Variants in PTPN1 observed in about 807,000 individuals in gnomAD.
The protein encoded by PTPN1 is protein tyrosine phosphatase non-receptor type 1, also known as tyrosine-protein phosphatase non-receptor type 1.
In PTPN1, 12 loss-of-function variants were observed where a neutral mutation model predicts 59.9. The observed-to-expected ratio is 0.20, with a 90% CI of 0.13 to 0.32. PTPN1 has a LOEUF of 0.32. Ranked by LOEUF, PTPN1 falls within the 10% of genes least tolerant of loss-of-function variation. The pLI, the probability that PTPN1 is intolerant of heterozygous loss-of-function variation, is 1.00. For synonymous variants in PTPN1, 178 were observed against 203.6 expected (o/e 0.87, Z 1.07); for missense variants, 356 against 549.2 (o/e 0.65, Z 3.52).
chr20:50,565,047 A>G lies in PTPN1; in HGVS notation c.233A>G (p.Gln78Arg), dbSNP rs780939045. 69 of 1,613,212 alleles carry G rather than the reference A, an allele frequency of 4.3e-5. No individual in the cohort carries two copies. Among genetic ancestry groups the G allele is most frequent in the Non-Finnish European group, 5.3e-5 (62 of 1,179,828 alleles). The change falls in exon 3 of 10, where the codon CAA becomes CGA. Residue 78 changes from glutamine to arginine, a missense_variant. By Grantham distance (43) the Gln-to-Arg change is conservative. Coordinates refer to ENST00000371621, the MANE Select transcript of PTPN1 (RefSeq NM_002827.4). ...NASLIKMEEA[Q>R]RSYILTQGPL... ...AGTTTGATAAAAATGGAAGAAGCCC[A>G]AAGGAGTTACATTCTTACCCAGGTA...
intron 8 of PTPN1, among the ~76,000 whole-genome samples, chr20:50,580,296 C>T (rs2082860769): frequency 6.6e-6 from 1 of 152,162 alleles, no homozygotes; most frequent in Admixed American, 6.5e-5. Flanking sequence ...GCCCTCAGTC[C>T]CCACAGTGGT....
intron 1 of PTPN1, among the ~76,000 whole-genome samples, chr20:50,537,091 G>A (rs957422880): frequency 2.2e-4 from 33 of 152,288 alleles, no homozygotes; most frequent in African/African-American, 7.0e-4. Flanking sequence ...TTGGGAGGCC[G>A]AGGCAGGCAG....
Position 50,582,355 on chromosome 20 carries a change from C to T in PTPN1, c.1285-337C>T, listed in dbSNP as rs890357976. ...AGTGCCATTTCAGCAGAAATTCACA[C>T]GTTAGACGTGTGTTGCTGTTAAGTA... On this transcript the variant is annotated intron_variant, in intron 9 of 9. Transcript: ENST00000371621. The surrounding 1 kb of genome is among the most constrained non-coding windows in gnomAD (Gnocchi z 4.2). Among the ~76,000 whole-genome samples, 1 of 152,226 alleles carries T rather than the reference C, an allele frequency of 6.6e-6. No homozygotes were observed. The highest frequency in any genetic ancestry group is 1.5e-5 in the Non-Finnish European group (1 of 68,044).
intron 1 of PTPN1, among the ~76,000 whole-genome samples, chr20:50,539,818 G>T (rs559433171): frequency 6.6e-6 from 1 of 151,718 alleles, no homozygotes; most frequent in Admixed American, 6.5e-5. Flanking sequence ...CCATGTCTTG[G>T]TGTTGGCTGT....
intron 1 of PTPN1, among the ~76,000 whole-genome samples, chr20:50,552,025 C>G (rs2082703989): frequency 6.6e-6 from 1 of 152,106 alleles, no homozygotes; most frequent in Non-Finnish European, 1.5e-5. Flanking sequence ...TTTTTGCTTG[C>G]AGTGGAAGGC....
Position 50,581,341 on chromosome 20 carries a change from A to G in PTPN1, c.1165A>G (p.Lys389Glu). 6.2e-7 allele frequency: 1 copy of G among 1,614,092 alleles called. No individual in the cohort carries two copies. Among genetic ancestry groups the G allele is most frequent in the East Asian group, 2.2e-5 (1 of 44,886 alleles). ...AGGTGCCCAGGCTGCCTCCCCAGCC[A>G]AAGGGGAGCCGTCACTGCCCGAGAA... Reference protein sequence around the residue: ...LRGAQAASPAKGEPSLPEKDE... With the variant: ...LRGAQAASPAEGEPSLPEKDE... The change falls in exon 9 of 10, where the codon AAA (lysine) becomes GAA (glutamate). Residue 389 changes from lysine (K) to glutamate (E), a missense_variant. Lys to Glu is a moderately conservative substitution (Grantham distance 56, BLOSUM62 1). Around this residue, in one of 3 missense-constraint regions of PTPN1, gnomAD observed 62 missense variants for 97.2 expected, o/e 0.64. Coordinates refer to ENST00000371621, the MANE Select transcript of PTPN1 (RefSeq NM_002827.4).
At chr20:50,564,892 T>C in intron 2 of PTPN1, 77 bp from the exon 3 acceptor site, 2 of 1,579,730 alleles carry the variant, frequency 1.3e-6, no homozygotes, top group Non-Finnish European at 1.7e-6. Context: ...CACCTTTGCT[T>C]TTCTGTAGGG....
intron 1 of PTPN1, among the ~76,000 whole-genome samples, chr20:50,559,100 C>T (rs1367440411): frequency 2.1e-4 from 31 of 146,714 alleles, no homozygotes; most frequent in African/African-American, 7.6e-4. Flanking sequence ...GGCGCCAACT[C>T]GGCTCACTGC....
intron 1 of PTPN1, among the ~76,000 whole-genome samples, chr20:50,525,980 TAGAAGACCAAACTCTGC>T (rs893506096): frequency 2.6e-5 from 4 of 152,144 alleles, no homozygotes; most frequent in African/African-American, 9.7e-5. Context: ...GCATCCTGGA[TAGAAGACCAAACTCTGC>T]AGAAGACCCC....
In PTPN1 at chr20:50,510,429, G is replaced by T; in HGVS notation, c.-99G>T. ...GGGCGGCGGTAGCTGCAGGGGTCGG[G>T]GATTGCAGCGGGCCTCGGGGCTAAG... On this transcript the variant is annotated 5_prime_UTR_variant, in exon 1 of 10. Transcript: ENST00000371621. 1 of 1,337,498 alleles carries T rather than the reference G, an allele frequency of 7.5e-7. No homozygotes were observed. Among genetic ancestry groups the T allele is most frequent in the South Asian group, 1.3e-5 (1 of 76,764 alleles). The allele number at this position is 1,337,498 out of a possible 1,614,324, so 82.9% of individuals were successfully genotyped here.
At chr20:50,540,075 G>A (rs1009203568) in intron 1 of PTPN1, among the ~76,000 whole-genome samples, 2 of 151,486 alleles carry the variant, frequency 1.3e-5, no homozygotes, top group African/African-American at 4.9e-5. Context: ...TTTTTTTCGA[G>A]ACAGAGTTTC....
In PTPN1 at chr20:50,579,855, G is replaced by T. The variant is rs910605795; in HGVS notation, c.1017G>T (p.Gln339His). The T allele has an allele frequency of 2.5e-6, 4 of 1,614,116 alleles. No individual in the cohort carries two copies. The African/African-American group carries it at 5.3e-5, about 22-fold the overall frequency. Residue 339 changes from glutamine to histidine, a missense_variant, in exon 8 of 10, where the codon CAG becomes CAT. Around this residue, in one of 3 missense-constraint regions of PTPN1, gnomAD observed 100 missense variants for 107.7 expected, o/e 0.93. Coordinates refer to ENST00000371621, the MANE Select transcript of PTPN1 (RefSeq NM_002827.4). ...ACCAGTGGGTGAAGGAAGAGACCCA[G>T]GAGGATAAAGACTGCCCCATCAAGG... ...PNHQWVKEET[Q>H]EDKDCPIKEE...
At chr20:50,520,600 G>T (rs2082547000) in intron 1 of PTPN1, among the ~76,000 whole-genome samples, 1 of 152,156 alleles carries the variant, frequency 6.6e-6, no homozygotes, top group African/African-American at 2.4e-5. Context: ...CTGTGCCCTT[G>T]CTTGATAGAA....
In PTPN1 at chr20:50,568,503, G is replaced by T. The variant is rs1242180308; in HGVS notation, c.354+25G>T. Reference sequence around the variant, plus strand: ...GGTAAGTCTCGGCTTCATTTGCTGTGTATGTGATCATGCATACCACTCCAT... The same window carrying T: ...GGTAAGTCTCGGCTTCATTTGCTGTTTATGTGATCATGCATACCACTCCAT... On this transcript the variant is annotated intron_variant, in intron 4 of 9. Transcript: ENST00000371621. The surrounding 1 kb of genome is among the most constrained non-coding windows in gnomAD (Gnocchi z 5.6). The T allele has an allele frequency of 8.9e-6, 14 of 1,578,398 alleles. No homozygotes were observed. The highest frequency in any genetic ancestry group is 1.2e-5 in the Non-Finnish European group (14 of 1,147,596).
chr20:50,521,494 T>C (rs1158492175), intron 1 of PTPN1, among the ~76,000 whole-genome samples: 1 of 152,228 alleles, frequency 6.6e-6, no homozygotes. Flanking sequence ...GGATTCAGCT[T>C]CACAATAGCA....
Position 50,514,384 on chromosome 20 carries a change from G to A in PTPN1, c.63+3794G>A, listed in dbSNP as rs763666491. 2.6e-5 allele frequency among the ~76,000 whole-genome samples: 4 copies of A among 152,364 alleles called. No individual in the cohort carries two copies. In the South Asian group the frequency reaches 6.2e-4, roughly 24 times the overall value. On this transcript the variant is annotated intron_variant, in intron 1 of 9. Coordinates refer to ENST00000371621, the MANE Select transcript of PTPN1 (RefSeq NM_002827.4). ...AGTGGAAATGAATAAGAAATTTCCT[G>A]TGGAGGTTTTTTGACTTAGCTACTG...
chr20:50,567,029 C>T (rs1042382724), intron 3 of PTPN1, among the ~76,000 whole-genome samples: 22 of 152,264 alleles, frequency 1.4e-4, no homozygotes, highest in African/African-American at 5.3e-4. Context: ...TTGTCTTGTT[C>T]AGGTAGTAAG....
At chr20:50,534,839 CG>C in intron 1 of PTPN1, among the ~76,000 whole-genome samples, 1 of 152,186 alleles carries the variant, frequency 6.6e-6, no homozygotes, top group East Asian at 1.9e-4. Flanking sequence ...GATCCTCCCA[CG>C]TCAGCCTCTG....
At chr20:50,570,311 T>G (rs2082801553) in intron 4 of PTPN1, among the ~76,000 whole-genome samples, 1 of 152,172 alleles carries the variant, frequency 6.6e-6, no homozygotes, top group African/African-American at 2.4e-5. Context: ...TGTTTTGTTT[T>G]GGGGTTGGGG....
Sources: gnomAD v4.1 joint callset for allele counts (sites outside exome capture counted in the v4.1 genomes callset) on GRCh38, gnomAD v4.1.1 for gene constraint, gnomAD v4.1.1 regional missense constraint, Gnocchi (gnomAD v3.1) non-coding constraint, MANE v1.5 for transcripts, NCBI Gene and HGNC (gene_info 2026-07-23, HGNC 2026-07-21) for gene names.